The following SNCAIP variants were observed in gnomAD, a reference collection of about 807,000 sequenced individuals.
SNCAIP encodes the protein synphilin-1.
A neutral mutation model predicts 86.7 loss-of-function variants in SNCAIP; 43 were observed. The observed-to-expected ratio is 0.50, with a 90% CI of 0.39 to 0.64. SNCAIP has a LOEUF of 0.64. SNCAIP is among the 30% of genes least tolerant of loss of function. The pLI is 0.00. For missense variants in SNCAIP, 981 were observed against 1,103.1 expected, an observed-to-expected ratio of 0.89 and a Z score of 1.57; for synonymous variants, 417 against 427.2, an observed-to-expected ratio of 0.98 and a Z score of 0.29.
intron 10 of SNCAIP, chr5:122,453,117 T>C (rs1336878490): frequency 1.7e-6 from 1 of 593,180 alleles, no homozygotes; most frequent in East Asian, 2.9e-5. Context: ...AAGAAGAAAA[T>C]TACAACTATT....
chr5:122,313,149 G>C (rs1053797328), intron 1 of SNCAIP, among the ~76,000 whole-genome samples: 1 of 152,242 alleles, frequency 6.6e-6, no homozygotes, highest in African/African-American at 2.4e-5. Flanking sequence ...CGGCTAGGAG[G>C]GGGGAAACGT....
chr5:122,402,610 G>C (rs1772064255), intron 2 of SNCAIP, among the ~76,000 whole-genome samples: 1 of 152,128 alleles, frequency 6.6e-6, no homozygotes, highest in African/African-American at 2.4e-5. Context: ...TTGCTGTCCT[G>C]GTATCCTGGG....
At chr5:122,333,654 T>C (rs1384510474) in intron 1 of SNCAIP, among the ~76,000 whole-genome samples, 1 of 152,262 alleles carries the variant, frequency 6.6e-6, no homozygotes, top group Non-Finnish European at 1.5e-5. Flanking sequence ...CTACATCTTA[T>C]ATTCTGATTG....
chr5:122,339,963 C>A (rs1349421110), intron 1 of SNCAIP, among the ~76,000 whole-genome samples: 1 of 152,104 alleles, frequency 6.6e-6, no homozygotes. Context: ...TAATTTCAGG[C>A]TCAACTCAGC....
chr5:122,424,698 T>G (rs1027985486), intron 4 of SNCAIP, among the ~76,000 whole-genome samples: 7 of 152,236 alleles, frequency 4.6e-5, no homozygotes, highest in African/African-American at 1.4e-4. Context: ...CTTTCTTTTG[T>G]CCTTCTCATG....
At chr5:122,462,588 A>T (rs1786647141) in intron 10 of SNCAIP, among the ~76,000 whole-genome samples, 1 of 152,196 alleles carries the variant, frequency 6.6e-6, no homozygotes, top group South Asian at 2.1e-4. Flanking sequence ...CTTTCAGATG[A>T]TGATGATGAT....
At chr5:122,332,554 A>C (rs984344152) in intron 1 of SNCAIP, among the ~76,000 whole-genome samples, 1 of 152,254 alleles carries the variant, frequency 6.6e-6, no homozygotes, top group African/African-American at 2.4e-5. Context: ...GAGTACTGCC[A>C]TGAAAGACAT....
At chr5:122,397,794 G>T (rs914958161) in intron 2 of SNCAIP, among the ~76,000 whole-genome samples, 1 of 152,164 alleles carries the variant, frequency 6.6e-6, no homozygotes, top group African/African-American at 2.4e-5. Context: ...CTGTGCAGAA[G>T]TATATTCCAT....
At chr5:122,448,689 AT>A (rs963812074) in intron 8 of SNCAIP, among the ~76,000 whole-genome samples, 5 of 99,516 alleles carry the variant, frequency 5.0e-5, no homozygotes, top group African/African-American at 1.2e-4. Flanking sequence ...TTATATATAT[AT>A]TATATATATT....
chr5:122,443,426 C>A, intron 7 of SNCAIP: 1 of 275,626 alleles, frequency 3.6e-6, no homozygotes. Context: ...AACCATGTTC[C>A]ATCAAATTTC....
chr5:122,437,314 C>A (rs930087917), intron 6 of SNCAIP: 1 of 152,128 alleles, frequency 6.6e-6, no homozygotes, highest in African/African-American at 2.4e-5. Context: ...CAGGCATGGT[C>A]CCCAGAATCA....
chr5:122,373,467 A>G (rs924479820), intron 1 of SNCAIP, among the ~76,000 whole-genome samples: 3 of 152,132 alleles, frequency 2.0e-5, no homozygotes, highest in African/African-American at 7.2e-5. Flanking sequence ...CCTAGTGACA[A>G]ACAGAAGAGA....
intron 1 of SNCAIP, among the ~76,000 whole-genome samples, chr5:122,350,129 G>T (rs74746220): frequency 6.6e-6 from 1 of 152,160 alleles, no homozygotes; most frequent in Admixed American, 6.5e-5. Flanking sequence ...TTCAAGAATT[G>T]CATTTTCTTG....
In SNCAIP at chr5:122,450,463, A is replaced by G; in HGVS notation, c.1686-70A>G. On this transcript the variant is annotated intron_variant, in intron 9 of 10. Coordinates refer to ENST00000261368, the MANE Select transcript of SNCAIP (RefSeq NM_005460.4). ...TTATACATTATTAGTGTCAGTAAAG[A>G]CCATGTAGTGACTTGAGTCATTTCA... is the stretch of plus-strand genomic sequence containing the variant. 3.0e-6 allele frequency: 3 copies of G among 1,003,354 alleles called. No homozygotes were observed. The South Asian group carries it at 3.8e-5, about 13-fold the overall frequency. 62.2% of individuals were successfully genotyped at this position (1,003,354 alleles called of 1,614,324 possible).
Position 122,423,446 on chromosome 5 carries a change from G to A in SNCAIP, c.709G>A (p.Glu237Lys), listed in dbSNP as rs771056040. ...DQHKLSTEETEISPPLVKCGS... is the reference protein window; with the variant it reads ...DQHKLSTEETKISPPLVKCGS... ...GCACAAGCTGTCCACTGAAGAAACC[G>A]AGATCTCACCTCCTCTGGTTAAATG... Residue 237 changes from glutamate to lysine, a missense_variant, in exon 4 of 11, where the codon GAG becomes AAG. By Grantham distance (56) the Glu-to-Lys change is moderately conservative. Coordinates refer to ENST00000261368, the MANE Select transcript of SNCAIP (RefSeq NM_005460.4). The A allele has an allele frequency of 2.9e-5, 46 of 1,613,084 alleles. No individual in the cohort carries two copies. The South Asian group carries it at 3.5e-4, about 12-fold the overall frequency.
At chr5:122,343,821 C>T (rs555114862) in intron 1 of SNCAIP, among the ~76,000 whole-genome samples, 1 of 152,272 alleles carries the variant, frequency 6.6e-6, no homozygotes, top group African/African-American at 2.4e-5. Context: ...TGCCCAGTGT[C>T]CCTTAGGGGC....
chr5:122,412,116 A>G (rs954706345), intron 3 of SNCAIP, among the ~76,000 whole-genome samples: 10 of 152,086 alleles, frequency 6.6e-5, no homozygotes, highest in African/African-American at 2.4e-4. Flanking sequence ...GTTCCTTCAC[A>G]TGGGATATTA....
At chr5:122,443,316 G>T (rs902002746) in intron 7 of SNCAIP, among the ~76,000 whole-genome samples, 1 of 152,226 alleles carries the variant, frequency 6.6e-6, no homozygotes, top group Non-Finnish European at 1.5e-5. Context: ...CTATCAGATT[G>T]TAGTGGTTGA....
rs529639691 is a variant in SNCAIP, at chr5:122,348,764, T to A, written c.-47+36480T>A. On this transcript the variant is annotated intron_variant, in intron 1 of 10. Transcript: ENST00000261368. ...GGATGAGGACATAAGATGTTTCACA[T>A]AAGAACTATGTCAGAATCAAAAGAT... Among the ~76,000 whole-genome samples, 29 of 152,198 alleles carry A rather than the reference T, an allele frequency of 1.9e-4. No homozygotes were observed. In the South Asian group the frequency reaches 3.5e-3, roughly 18 times the overall value.
Sources: gnomAD v4.1 joint callset for allele counts (sites outside exome capture counted in the v4.1 genomes callset) on GRCh38, gnomAD v4.1.1 for gene constraint, MANE v1.5 for transcripts, NCBI Gene and HGNC (gene_info 2026-07-23, HGNC 2026-07-21) for gene names.